The following YIPF6 variants were observed in gnomAD, a reference collection of about 807,000 sequenced individuals.
YIPF6 encodes Yip1 domain family member 6.
A neutral mutation model predicts 16.8 loss-of-function variants in YIPF6; 3 were observed. That is an observed-to-expected ratio of 0.18 (90% CI 0.08 to 0.46). The LOEUF is 0.46. Among genes scored for constraint, YIPF6 ranks in the 20% least tolerant of loss-of-function variants. The pLI is 0.98. For missense variants in YIPF6, 145 were observed against 184.9 expected (o/e 0.78, Z 1.25); for synonymous variants, 67 against 61.9 (o/e 1.08, Z -0.38).
In YIPF6 at chrX:68,511,968, C is replaced by A; in HGVS notation, c.177C>A (p.Arg59=). 8.3e-7 allele frequency: 1 copy of A among 1,205,656 alleles called. No homozygotes were observed. Among genetic ancestry groups the A allele is most frequent in the East Asian group, 3.0e-5 (1 of 33,630 alleles). The part of the protein sequence containing the change: ...FDSSTLNESV[R]NTIMRDLKAV... ...GCTCCACATTAAATGAATCTGTTCG[C>A]AATACCATCGTAAGTTAGACTAGTT... Residue 59 remains arginine (R), a synonymous_variant, in exon 2 of 7, where the codon CGC becomes CGA. Transcript: ENST00000462683.
chrX:68,532,054 A>G lies in YIPF6; in HGVS notation c.*55A>G. ...ATTGAAAGCACATCTGAAAGATGCA[A>G]TTCACCATGGAGCTTTGTCTCTGGC... On this transcript the variant is annotated 3_prime_UTR_variant, in exon 7 of 7. Transcript: ENST00000462683. The G allele has an allele frequency of 1.1e-6, 1 of 932,885 alleles. No homozygotes were observed. Among genetic ancestry groups the G allele is most frequent in the Non-Finnish European group, 1.5e-6 (1 of 655,020 alleles). The allele number at this position is 932,885 out of a possible 1,213,427, so 76.9% of individuals were successfully genotyped here.
At chrX:68,526,343 CTT>C (rs767584514) in intron 6 of YIPF6, among the ~76,000 whole-genome samples, 10,569 of 111,576 alleles carry the variant, frequency 0.095, 1,104 homozygotes, top group African/African-American at 0.31. Context: ...TATCCTGAGA[CTT>C]TGCTGAAGTT....
intron 6 of YIPF6, among the ~76,000 whole-genome samples, chrX:68,531,112 T>TTTTG (rs200293629): frequency 1.7e-4 from 18 of 108,397 alleles, no homozygotes; most frequent in African/African-American, 3.8e-4. Flanking sequence ...AATGATTCTT[T>TTTTG]TTTGTTTGTT....
intron 4 of YIPF6, among the ~76,000 whole-genome samples, chrX:68,519,540 G>T (rs958095889): frequency 9.2e-6 from 1 of 109,174 alleles, no homozygotes; most frequent in Non-Finnish European, 1.9e-5. Flanking sequence ...GTTCAAAAAG[G>T]TTGAGGATTT....
At chrX:68,510,040 C>CT (rs1179921985) in intron 1 of YIPF6, among the ~76,000 whole-genome samples, 1 of 111,966 alleles carries the variant, frequency 8.9e-6, no homozygotes, top group Non-Finnish European at 1.9e-5. Context: ...TGAGCCAGTG[C>CT]TGATGTCTCT....
chrX:68,529,299 A>T (rs1445998029), intron 6 of YIPF6, among the ~76,000 whole-genome samples: 1 of 109,529 alleles, frequency 9.1e-6, no homozygotes, highest in Non-Finnish European at 1.9e-5. Context: ...TGCTTCATGA[A>T]GTTCTCATGC....
At position 68,521,354 on chromosome X, in the gene YIPF6, G is replaced by A. The variant is rs142391064; in HGVS notation, c.309-18G>A. The A allele has an allele frequency of 3.6e-5, 43 of 1,201,997 alleles. No individual in the cohort carries two copies. Among genetic ancestry groups the A allele is most frequent in the Admixed American group, 6.8e-5 (3 of 44,197 alleles). On this transcript the variant is annotated intron_variant, in intron 4 of 6. Transcript: ENST00000462683. ...AAGTAAAAGATTAAGCAATTCTTAC[G>A]CTGTTTCCTTTTCTCAGAATGCTGC... is the stretch of plus-strand genomic sequence containing the variant.
In YIPF6 at chrX:68,533,323, C is replaced by T. The variant is rs2079179246; in HGVS notation, c.*1324C>T. 1 of 111,237 alleles carries T rather than the reference C, an allele frequency of 9.0e-6. No individual in the cohort carries two copies. The highest frequency in any genetic ancestry group is 1.9e-5 in the Non-Finnish European group (1 of 53,055). 9.2% of individuals were successfully genotyped at this position (111,237 alleles called of 1,213,427 possible). A position where few individuals can be genotyped will look rare whatever the true frequency, so the allele number is the denominator to read the frequency against. ...GGCTGATTCTGAGCTAAACAGGGCT[C>T]CTTTAAGGCAATATGAACTGTTGCC... On this transcript the variant is annotated 3_prime_UTR_variant, in exon 7 of 7. Coordinates refer to ENST00000462683, the MANE Select transcript of YIPF6 (RefSeq NM_173834.4).
Position 68,509,206 on chromosome X carries a change from C to G in YIPF6, c.58-2643C>G, listed in dbSNP as rs1365943836. 2.7e-5 allele frequency among the ~76,000 whole-genome samples: 3 copies of G among 109,327 alleles called. No individual in the cohort carries two copies. In the Admixed American group the frequency reaches 3.0e-4, roughly 11 times the overall value. 94.9% of individuals were successfully genotyped at this position (109,327 alleles called of 115,157 possible). A position where few individuals can be genotyped will look rare whatever the true frequency, so the allele number is the denominator to read the frequency against. On this transcript the variant is annotated intron_variant, in intron 1 of 6. Transcript: ENST00000462683. ...CTTACTGCAGCCTTGACCTCCTGGG[C>G]TCAAGTGATCCTCCCACTTTAGCCT...
intron 3 of YIPF6, among the ~76,000 whole-genome samples, chrX:68,516,089 C>T: frequency 9.0e-6 from 1 of 111,420 alleles, no homozygotes; most frequent in East Asian, 2.8e-4. Context: ...CACCATTGCA[C>T]TCCAGCCTGG....
intron 5 of YIPF6, 66 bp downstream of exon 5, chrX:68,521,563 A>C: frequency 9.0e-7 from 1 of 1,112,914 alleles, no homozygotes; most frequent in Non-Finnish European, 1.2e-6. Context: ...ATTAAGGAAT[A>C]CAGGCTAGCT....
In YIPF6 at chrX:68,533,388, A is replaced by T. The variant is rs989616796; in HGVS notation, c.*1389A>T. 1 of 111,928 alleles carries T rather than the reference A, an allele frequency of 8.9e-6. No individual in the cohort carries two copies. Among genetic ancestry groups the T allele is most frequent in the African/African-American group, 3.2e-5 (1 of 30,831 alleles). The allele number at this position is 111,928 out of a possible 1,213,427, so 9.2% of individuals were successfully genotyped here. ...CATTGAGGAACTCTAATAGACAAAG[A>T]TTAGGTGTCAGGCAGAAAACACTCA... is the stretch of plus-strand genomic sequence containing the variant. On this transcript the variant is annotated 3_prime_UTR_variant, in exon 7 of 7. Coordinates refer to ENST00000462683, the MANE Select transcript of YIPF6 (RefSeq NM_173834.4).
chrX:68,529,939 A>G (rs2079164456), intron 6 of YIPF6, among the ~76,000 whole-genome samples: 1 of 111,934 alleles, frequency 8.9e-6, no homozygotes, highest in Non-Finnish European at 1.9e-5. Flanking sequence ...TCTCCCAGTC[A>G]GGAGGCATGG....
intron 6 of YIPF6, among the ~76,000 whole-genome samples, chrX:68,524,720 T>C (rs1262858374): frequency 1.8e-5 from 2 of 108,954 alleles, no homozygotes; most frequent in Non-Finnish European, 3.8e-5. Context: ...CCCCTCCCTG[T>C]GTCCATGTGT....
intron 1 of YIPF6, among the ~76,000 whole-genome samples, chrX:68,506,259 G>A (rs2079059320): frequency 9.1e-6 from 1 of 110,262 alleles, no homozygotes; most frequent in Non-Finnish European, 1.9e-5. Context: ...AAAAGAAAAG[G>A]TAAATTGGAT....
rs2079088913 is a variant in YIPF6, at chrX:68,513,421, T to G, written c.265+16T>G. 1 of 1,135,759 alleles carries G rather than the reference T, an allele frequency of 8.8e-7. No homozygotes were observed. Among genetic ancestry groups the G allele is most frequent in the Non-Finnish European group, 1.2e-6 (1 of 841,091 alleles). The allele number at this position is 1,135,759 out of a possible 1,213,427, so 93.6% of individuals were successfully genotyped here. Reference sequence around the variant, plus strand: ...TTGAGAGATTGTAAGTATATGAGGTTTTTAAGGGTTTGCTTAATCTATCTC... The same window carrying G: ...TTGAGAGATTGTAAGTATATGAGGTGTTTAAGGGTTTGCTTAATCTATCTC... On this transcript the variant is annotated intron_variant, in intron 3 of 6. Transcript: ENST00000462683.
chrX:68,502,956 A>G (rs901564493), intron 1 of YIPF6, among the ~76,000 whole-genome samples: 1 of 110,501 alleles, frequency 9.0e-6, no homozygotes, highest in Non-Finnish European at 1.9e-5. Context: ...AGCCTCCCCA[A>G]GTAGCTGGGA....
At position 68,518,685 on chromosome X, in the gene YIPF6, G is replaced by A. The variant is rs182455058; in HGVS notation, c.266-85G>A. 7.3e-5 allele frequency: 79 copies of A among 1,086,411 alleles called. No homozygotes were observed. The African/African-American group carries it at 1.3e-3, about 17-fold the overall frequency. The allele number at this position is 1,086,411 out of a possible 1,213,427, so 89.5% of individuals were successfully genotyped here. ...TTGGCCAGCCAAAGAGAGCCTTGAT[G>A]TCTGAATTCTAGGAGGGAGAGAGGT... On this transcript the variant is annotated intron_variant, in intron 3 of 6. Coordinates refer to ENST00000462683, the MANE Select transcript of YIPF6 (RefSeq NM_173834.4).
intron 5 of YIPF6, 48 bp downstream of exon 5, chrX:68,521,545 T>C (rs371621240): frequency 7.2e-5 from 84 of 1,160,217 alleles, no homozygotes; most frequent in Middle Eastern, 4.9e-4. Flanking sequence ...CCAGGTAGTA[T>C]ATCTTAGATT....
Sources: gnomAD v4.1 joint callset for allele counts (sites outside exome capture counted in the v4.1 genomes callset) on GRCh38, gnomAD v4.1.1 for gene constraint, MANE v1.5 for transcripts, NCBI Gene and HGNC (gene_info 2026-07-23, HGNC 2026-07-21) for gene names.